Variants in TLE6 observed in about 807,000 individuals in gnomAD.
TLE6 encodes the protein TLE family member 6, subcortical maternal complex member, also known as transducin-like enhancer protein 6.
In TLE6, 72 loss-of-function variants were observed where a neutral mutation model predicts 77.1. That is an observed-to-expected ratio of 0.93 (90% confidence interval 0.77 to 1.14). The LOEUF is 1.14. Among genes scored for constraint, TLE6 ranks in the 50% most tolerant of loss-of-function variants. The probability of loss-of-function intolerance (pLI) is 0.00; values close to 1 mark genes in which losing one functional copy is unlikely to be tolerated. For synonymous variants in TLE6, 366 were observed against 287.3 expected (o/e 1.27, Z -2.77); for missense variants, 843 against 747.6 (o/e 1.13, Z -1.49).
At chr19:2,993,080 GCATGCCTGTAGTCC>G (rs1398834004) in intron 14 of TLE6, among the ~76,000 whole-genome samples, 1 of 147,616 alleles carries the variant, frequency 6.8e-6, no homozygotes, top group Non-Finnish European at 1.5e-5. Flanking sequence ...GCATGGTGGC[GCATGCCTGTAGTCC>G]CAGCTACTCA....
chr19:2,989,716 A>G lies in TLE6; in HGVS notation c.1175A>G (p.Asn392Ser), dbSNP rs199781582. The change falls in exon 13 of 17, where the codon AAC becomes AGC. Residue 392 changes from asparagine (N) to serine (S), a missense_variant. Physicochemically the swap from Asn to Ser is conservative, Grantham distance 46. Transcript: ENST00000246112. ...CQALDANLDA[N>S]LAFASFTSGV... ...GCCCTGGATGCCAACCTGGATGCCA[A>G]CCTGGCCTTCGCCAGCTTCACCAGT... 1.1e-5 allele frequency: 18 copies of G among 1,614,074 alleles called. No homozygotes were observed. The highest frequency in any genetic ancestry group is 3.3e-5 in the South Asian group (3 of 91,084).
At chr19:2,982,629 T>A (rs1329055033) in intron 5 of TLE6, among the ~76,000 whole-genome samples, 1 of 151,108 alleles carries the variant, frequency 6.6e-6, no homozygotes, top group Non-Finnish European at 1.5e-5. Context: ...TGGGAAGGAC[T>A]TGGGCTTTGA....
intron 16 of TLE6, 131 bp downstream of exon 16, chr19:2,994,226 A>C: frequency 1.4e-6 from 1 of 720,492 alleles, no homozygotes; most frequent in Non-Finnish European, 2.3e-6. Context: ...CTTTAATCCC[A>C]GCATTTTGGG....
chr19:2,988,189 C>CT, intron 11 of TLE6, 61 bp downstream of exon 11: 1 of 1,502,354 alleles, frequency 6.7e-7, no homozygotes, highest in African/African-American at 1.4e-5. Context: ...TCCTTCCTGT[C>CT]TATACCTCTG....
chr19:2,979,818 G>A (rs2088758460), intron 2 of TLE6, among the ~76,000 whole-genome samples: 2 of 150,670 alleles, frequency 1.3e-5, no homozygotes, highest in South Asian at 2.1e-4. Flanking sequence ...GGGGGCGGGC[G>A]GGGGAGGGGG....
chr19:2,992,132 T>G, intron 14 of TLE6, 148 bp downstream of exon 14: 1 of 881,264 alleles, frequency 1.1e-6, no homozygotes, highest in Non-Finnish European at 1.7e-6. Context: ...GGTCAGGAGT[T>G]TGAGACCAGC....
In TLE6 at chr19:2,995,048, C is replaced by CCCCCCCTT. The variant is rs1188065459; in HGVS notation, c.*51_*58dup. ...TCCCACTCCGGCTCCTCTTTTCATCCCCCCCCTTCCCCCCCCCCAACAAGG... is the reference window on the plus strand; with the variant it reads ...TCCCACTCCGGCTCCTCTTTTCATCCCCCCCCTTCCCCCCTTCCCCCCCCCCAACAAGG... On this transcript the variant is annotated 3_prime_UTR_variant, in exon 17 of 17. Coordinates refer to ENST00000246112, the MANE Select transcript of TLE6 (RefSeq NM_001143986.2). 2 of 1,092,500 alleles carry CCCCCCCTT rather than the reference C, an allele frequency of 1.8e-6. No homozygotes were observed. The highest frequency in any genetic ancestry group is 2.6e-6 in the Non-Finnish European group (2 of 770,124). 67.7% of individuals were successfully genotyped at this position (1,092,500 alleles called of 1,614,324 possible).
Position 2,978,184 on chromosome 19 carries a change from C to T in TLE6, c.-36-14C>T, listed in dbSNP as rs1275826838. 1.3e-6 allele frequency: 2 copies of T among 1,543,244 alleles called. No individual in the cohort carries two copies. The highest frequency in any genetic ancestry group is 2.0e-5 in the Admixed American group (1 of 50,858). On this transcript the variant is annotated splice_polypyrimidine_tract_variant and intron_variant, in intron 1 of 16. Coordinates refer to ENST00000246112, the MANE Select transcript of TLE6 (RefSeq NM_001143986.2). ...TTCTGTCCCTCAAGACCTGCCGTCT[C>T]CTTGTTGTTTTAGACTCTGGCTAAA...
rs2088730028 is a variant in TLE6 at position 2,978,687 on chromosome 19, T to A, written c.51+403T>A. ...AGAGGGTTGGCTTGAGCCCAAGGAG[T>A]TTGAGGCTGCAGTGAACTATGATGG... is the stretch of plus-strand genomic sequence containing the variant. On this transcript the variant is annotated intron_variant, in intron 2 of 16. Transcript: ENST00000246112. Among the ~76,000 whole-genome samples the A allele has an allele frequency of 2.6e-5, 4 of 151,956 alleles. 1 individual carries two copies. In the South Asian group the frequency reaches 8.3e-4, roughly 31 times the overall value.
At chr19:2,981,993 C>T (rs781649935) in intron 4 of TLE6, among the ~76,000 whole-genome samples, 155 bp from the exon 5 acceptor site, 1 of 152,156 alleles carries the variant, frequency 6.6e-6, no homozygotes, top group East Asian at 1.9e-4. Context: ...AGGGACCATA[C>T]ATCAGTGTAG....
chr19:2,979,886 C>T (rs1010940968), intron 2 of TLE6, among the ~76,000 whole-genome samples: 5 of 148,822 alleles, frequency 3.4e-5, no homozygotes, highest in African/African-American at 9.8e-5. Flanking sequence ...ATCGCTTGAA[C>T]CCGGGAGGCA....
intron 11 of TLE6, among the ~76,000 whole-genome samples, chr19:2,988,590 C>T (rs887957482): frequency 6.6e-5 from 10 of 151,374 alleles, no homozygotes; most frequent in African/African-American, 2.4e-4. Flanking sequence ...AGCAAGACTC[C>T]GTCTCAAAAA....
chr19:2,991,027 TACATACATAC>T (rs1330415532), intron 13 of TLE6, among the ~76,000 whole-genome samples: 35 of 134,180 alleles, frequency 2.6e-4, no homozygotes, highest in African/African-American at 1.3e-3. Flanking sequence ...CATACATACA[TACATACATAC>T]ATACATATAT....
In TLE6 at chr19:2,982,162, G is replaced by T; in HGVS notation, c.195G>T (p.Gln65His). 1 of 1,551,494 alleles carries T rather than the reference G, an allele frequency of 6.4e-7. No individual in the cohort carries two copies. The highest frequency in any genetic ancestry group is 8.7e-7 in the Non-Finnish European group (1 of 1,146,960). The change falls in exon 5 of 17, where the codon CAG (glutamine) becomes CAT (histidine). Residue 65 changes from glutamine (Q) to histidine (H), a missense_variant. Gln to His is a conservative substitution (Grantham distance 24). Coordinates refer to ENST00000246112, the MANE Select transcript of TLE6 (RefSeq NM_001143986.2). ...ESIYYSLHKIQQDVAEHHKQI... is the reference protein window; with the variant it reads ...ESIYYSLHKIHQDVAEHHKQI... ...TCCCTTTGCAGCTGCACAAGATCCA[G>T]CAGGATGTGGCAGAACATCACAAGC...
At chr19:2,991,716 C>G (rs2089069432) in intron 13 of TLE6, 127 bp from the exon 14 acceptor site, 3 of 848,710 alleles carry the variant, frequency 3.5e-6, no homozygotes, top group South Asian at 3.6e-5. Context: ...CTTTGACACT[C>G]TGTGCAGGCA....
At position 2,992,989 on chromosome 19, in the gene TLE6, G is replaced by C. The variant is rs542532179; in HGVS notation, c.1387-443G>C. On this transcript the variant is annotated intron_variant, in intron 14 of 16. Transcript: ENST00000246112. ...GGATCATTTGAGGTCAGAAGTTCAA[G>C]AACAGCCTGACCAACATGGTGAAAC... Among the ~76,000 whole-genome samples the C allele has an allele frequency of 7.4e-5, 8 of 107,408 alleles. No homozygotes were observed. In the East Asian group the frequency reaches 1.9e-3, roughly 25 times the overall value. The allele number at this position is 107,408 out of a possible 152,430, so 70.5% of individuals were successfully genotyped here. A position where few individuals can be genotyped will look rare whatever the true frequency, so the allele number is the denominator to read the frequency against.
At position 2,978,290 on chromosome 19, in the gene TLE6, G is replaced by C; in HGVS notation, c.51+6G>C. ...GCCCCCCGAAAAGCACTTCGGTGAG[G>C]AGGGCATGTGGTGGGATCAGCCCTC... On this transcript the variant is annotated splice_donor_region_variant and intron_variant, in intron 2 of 16. Coordinates refer to ENST00000246112, the MANE Select transcript of TLE6 (RefSeq NM_001143986.2). 6.4e-7 allele frequency: 1 copy of C among 1,551,360 alleles called. No individual in the cohort carries two copies. Among genetic ancestry groups the C allele is most frequent in the Non-Finnish European group, 8.7e-7 (1 of 1,146,974 alleles).
chr19:2,981,040 G>A (rs938922726), intron 3 of TLE6, among the ~76,000 whole-genome samples: 2 of 150,012 alleles, frequency 1.3e-5, no homozygotes, highest in African/African-American at 2.5e-5. Context: ...AACAGGGTGA[G>A]ATTCTGTTTA....
chr19:2,990,249 G>T (rs962998675), intron 13 of TLE6, among the ~76,000 whole-genome samples: 1 of 151,714 alleles, frequency 6.6e-6, no homozygotes, highest in Non-Finnish European at 1.5e-5. Context: ...TTATTAAATA[G>T]AATAAATTTT....
Sources: gnomAD v4.1 joint callset for allele counts (sites outside exome capture counted in the v4.1 genomes callset) on GRCh38, gnomAD v4.1.1 for gene constraint, MANE v1.5 for transcripts, NCBI Gene and HGNC (gene_info 2026-07-23, HGNC 2026-07-21) for gene names.